The following LECT2 variants were observed in gnomAD, a reference collection of about 807,000 sequenced individuals.
LECT2 encodes the protein leukocyte cell-derived chemotaxin-2.
LECT2 carries 11 observed loss-of-function variants against 16.6 expected under a neutral mutation model. The ratio of observed to expected loss-of-function variants is 0.66; its 90% confidence interval spans 0.42 to 1.09. The LOEUF (loss-of-function observed/expected upper bound fraction) is 1.09. Ranked by LOEUF, LECT2 falls within the 50% of genes least tolerant of loss-of-function variation. The pLI, the probability that LECT2 is intolerant of heterozygous loss-of-function variation, is 0.00. For synonymous variants in LECT2, 54 were observed against 64.8 expected (o/e 0.83, Z 0.80); for missense variants, 173 against 184.2 (o/e 0.94, Z 0.35).
chr5:135,948,781 TCTC>T lies in LECT2; in HGVS notation c.290-1287_290-1285del, dbSNP rs1403277597. ...GCTCCGCCTCCCGGGTTCACGCCATTCTCCTGCCTCAGCCTCCTGAGTAGCAGG... is the reference window on the plus strand; with the variant it reads ...GCTCCGCCTCCCGGGTTCACGCCATTCTGCCTCAGCCTCCTGAGTAGCAGG... On this transcript the variant is annotated intron_variant, in intron 3 of 3. Coordinates refer to ENST00000274507, the MANE Select transcript of LECT2 (RefSeq NM_002302.3). Among the ~76,000 whole-genome samples, 3 of 151,868 alleles carry T rather than the reference TCTC, an allele frequency of 2.0e-5. No homozygotes were observed. The East Asian group carries it at 5.8e-4, about 29-fold the overall frequency.
At chr5:135,948,775 C>G (rs1430840781) in intron 3 of LECT2, among the ~76,000 whole-genome samples, 1 of 151,606 alleles carries the variant, frequency 6.6e-6, no homozygotes, top group Non-Finnish European at 1.5e-5. Flanking sequence ...CCCGGGTTCA[C>G]GCCATTCTCC....
Position 135,954,888 on chromosome 5 carries a change from T to C in LECT2, c.-55A>G. ...TGATTAGAGTTGCCCCCACACTCTC[T>C]TTGAAGAATATTCAAGTTTGAATGA... is the stretch of plus-strand genomic sequence containing the variant. On this transcript the variant is annotated 5_prime_UTR_variant, in exon 1 of 4. Coordinates refer to ENST00000274507, the MANE Select transcript of LECT2 (RefSeq NM_002302.3). 7.8e-7 allele frequency: 1 copy of C among 1,274,352 alleles called. No homozygotes were observed. Among genetic ancestry groups the C allele is most frequent in the Non-Finnish European group, 1.1e-6 (1 of 873,578 alleles). 78.9% of individuals were successfully genotyped at this position (1,274,352 alleles called of 1,614,324 possible).
chr5:135,952,289 A>G (rs1763806611), intron 2 of LECT2, among the ~76,000 whole-genome samples: 1 of 152,228 alleles, frequency 6.6e-6, no homozygotes, highest in South Asian at 2.1e-4. Flanking sequence ...TGGCTATTTC[A>G]TTAGAAAGTG....
chr5:135,954,972 A>G lies in LECT2; in HGVS notation c.-139T>C. On this transcript the variant is annotated 5_prime_UTR_variant, in exon 1 of 4. Coordinates refer to ENST00000274507, the MANE Select transcript of LECT2 (RefSeq NM_002302.3). ...ATCTCTCATTTCTTTAGTGTGAGAC[A>G]CAAAAAGTTTAAGAGGATGGAGCAA... 3 of 649,940 alleles carry G rather than the reference A, an allele frequency of 4.6e-6. No homozygotes were observed. The highest frequency in any genetic ancestry group is 4.3e-5 in the South Asian group (2 of 46,530). The allele number at this position is 649,940 out of a possible 1,614,324, so 40.3% of individuals were successfully genotyped here.
chr5:135,954,457 T>A (rs943133908), intron 1 of LECT2, among the ~76,000 whole-genome samples: 3 of 152,246 alleles, frequency 2.0e-5, no homozygotes, highest in African/African-American at 7.2e-5. Flanking sequence ...CAGAATTTGA[T>A]TTTGATCAAA....
At chr5:135,950,627 G>A (rs1763777073) in intron 3 of LECT2, among the ~76,000 whole-genome samples, 1 of 152,212 alleles carries the variant, frequency 6.6e-6, no homozygotes, top group Admixed American at 6.5e-5. Flanking sequence ...AATACCTGGA[G>A]TACCAGGAGA....
chr5:135,952,791 G>T, intron 2 of LECT2, 80 bp downstream of exon 2: 1 of 946,350 alleles, frequency 1.1e-6, no homozygotes, highest in Non-Finnish European at 1.7e-6. Flanking sequence ...GAGCCCTTGA[G>T]GCAACCAACG....
intron 1 of LECT2, among the ~76,000 whole-genome samples, chr5:135,954,273 C>T (rs1425340767): frequency 2.0e-5 from 3 of 152,200 alleles, no homozygotes; most frequent in Non-Finnish European, 4.4e-5. Flanking sequence ...AGCTCCAAAT[C>T]AACACCTTGA....
At position 135,952,913 on chromosome 5, in the gene LECT2, C is replaced by T. The variant is rs752821818; in HGVS notation, c.101G>A (p.Arg34Gln). ...ICAGKSSNEI[R>Q]TCDRHGCGQY... is the part of the protein sequence containing the mutation. ...TCCACAGCCATGGCGGTCACACGTC[C>T]GGATCTCATTGGAAGACTTGCCAGC... The change falls in exon 2 of 4, where the codon CGG becomes CAG. Residue 34 changes from arginine (R) to glutamine (Q), a missense_variant. Arg to Gln is a conservative substitution (Grantham distance 43). Coordinates refer to ENST00000274507, the MANE Select transcript of LECT2 (RefSeq NM_002302.3). 81 of 1,614,102 alleles carry T rather than the reference C, an allele frequency of 5.0e-5. No individual in the cohort carries two copies. Among genetic ancestry groups the T allele is most frequent in the Non-Finnish European group, 6.4e-5 (76 of 1,179,944 alleles).
intron 3 of LECT2, among the ~76,000 whole-genome samples, chr5:135,948,744 G>A (rs940895721): frequency 6.6e-6 from 1 of 150,734 alleles, no homozygotes; most frequent in Non-Finnish European, 1.5e-5. Flanking sequence ...GCGCGATCTC[G>A]GCTCACTGCA....
At chr5:135,950,401 G>A (rs1435553555) in intron 3 of LECT2, among the ~76,000 whole-genome samples, 3 of 152,182 alleles carry the variant, frequency 2.0e-5, no homozygotes, top group African/African-American at 4.8e-5. Flanking sequence ...ACTAATACAT[G>A]GTGTTAGAAC....
rs570782646 is a variant in LECT2 at position 135,954,852 on chromosome 5, G to C, written c.-19C>G. 3.7e-6 allele frequency: 6 copies of C among 1,601,992 alleles called. No homozygotes were observed. The highest frequency in any genetic ancestry group is 1.3e-5 in the African/African-American group (1 of 74,812). On this transcript the variant is annotated 5_prime_UTR_variant, in exon 1 of 4. Transcript: ENST00000274507. ...AAAACATCTGGTTTTACTTCCTTTA[G>C]TTTCTTCCTCTGATTAGAGTTGCCC...
At chr5:135,952,378 C>T (rs1418038546) in intron 2 of LECT2, among the ~76,000 whole-genome samples, 2 of 152,162 alleles carry the variant, frequency 1.3e-5, no homozygotes, top group Non-Finnish European at 2.9e-5. Flanking sequence ...GTGGTGCTTT[C>T]TCTCCTGCTT....
intron 3 of LECT2, among the ~76,000 whole-genome samples, chr5:135,949,039 G>A (rs1763747386): frequency 6.6e-6 from 1 of 152,132 alleles, no homozygotes; most frequent in South Asian, 2.1e-4. Flanking sequence ...CTGTAGAAGA[G>A]CTAAAACTCC....
rs1763793927 is a variant in LECT2 at position 135,951,337 on chromosome 5, A to G, written c.175T>C (p.Leu59=). The G allele has an allele frequency of 3.1e-6, 5 of 1,613,854 alleles. No homozygotes were observed. The highest frequency in any genetic ancestry group is 2.2e-5 in the South Asian group (2 of 91,026). ...SQRPHQGVDI[L]CSAGSTVYAP... ...TACACAGTAGATCCAGCAGAGCACAAGATGTCCACACCCTGGTGAGGCCTC... is the reference window on the plus strand; with the variant it reads ...TACACAGTAGATCCAGCAGAGCACAGGATGTCCACACCCTGGTGAGGCCTC... Residue 59 remains leucine (L), a synonymous_variant, in exon 3 of 4, where the codon TTG becomes CTG. Transcript: ENST00000274507.
Position 135,947,342 on chromosome 5 carries a change from C to T in LECT2, c.445G>A (p.Ala149Thr). Reference sequence around the variant, plus strand: ...CATTGGCCTTCGATTTACAGGTATGCAGTAGGGTCACTCGAGTCACAGTTT... The same window carrying T: ...CATTGGCCTTCGATTTACAGGTATGTAGTAGGGTCACTCGAGTCACAGTTT... The part of the protein sequence containing the change: ...IENCDSSDPT[A>T]YL Residue 149 changes from alanine (A) to threonine (T), a missense_variant, in exon 4 of 4, where the codon GCA (alanine) becomes ACA (threonine). Physicochemically the swap from Ala to Thr is moderately conservative, Grantham distance 58. Transcript: ENST00000274507. The T allele has an allele frequency of 6.2e-7, 1 of 1,613,668 alleles. No homozygotes were observed. Among genetic ancestry groups the T allele is most frequent in the Non-Finnish European group, 8.5e-7 (1 of 1,179,724 alleles).
At chr5:135,951,901 T>A (rs1763801684) in intron 2 of LECT2, among the ~76,000 whole-genome samples, 1 of 152,156 alleles carries the variant, frequency 6.6e-6, no homozygotes, top group Non-Finnish European at 1.5e-5. Context: ...ATCAAACTAT[T>A]CTAGATTGTG....
intron 2 of LECT2, 95 bp from the exon 3 acceptor site, chr5:135,951,463 G>C: frequency 8.2e-7 from 1 of 1,216,216 alleles, no homozygotes; most frequent in Non-Finnish European, 1.1e-6. Context: ...TGCAGACGAG[G>C]TACCAAAGCT....
chr5:135,951,798 C>G (rs1372861626), intron 2 of LECT2, among the ~76,000 whole-genome samples: 2 of 152,110 alleles, frequency 1.3e-5, no homozygotes, highest in East Asian at 3.9e-4. Flanking sequence ...TTGCAGTGAT[C>G]TAGAAAAGTG....
Sources: allele counts gnomAD v4.1 joint callset (sites outside exome capture counted in the v4.1 genomes callset), GRCh38; gene constraint gnomAD v4.1.1; transcripts MANE v1.5; gene names NCBI Gene and HGNC (gene_info 2026-07-23, HGNC 2026-07-21).